Variants in TENM2 observed in about 807,000 individuals in gnomAD.
TENM2 encodes teneurin-2.
TENM2 carries 52 observed loss-of-function variants against 245.2 expected under a neutral mutation model. The observed-to-expected ratio is 0.21, with a 90% CI of 0.17 to 0.27. TENM2 has a LOEUF of 0.27. Among genes scored for constraint, TENM2 ranks in the 10% least tolerant of loss-of-function variants. TENM2 has a pLI of 1.00. For synonymous variants in TENM2, 1,363 were observed against 1,438.9 expected, an observed-to-expected ratio of 0.95 and a Z score of 1.19; for missense variants, 3,046 against 3,666.8, an observed-to-expected ratio of 0.83 and a Z score of 4.37.
intron 2 of TENM2, among the ~76,000 whole-genome samples, chr5:167,716,719 G>A (rs1293892527): frequency 6.6e-6 from 1 of 152,024 alleles, no homozygotes; most frequent in Admixed American, 6.5e-5. Context: ...ACTAAGCAGT[G>A]GTATTTGGGA....
At chr5:167,662,131 T>A (rs940057972) in intron 2 of TENM2, among the ~76,000 whole-genome samples, 16 of 152,236 alleles carry the variant, frequency 1.1e-4, no homozygotes, top group Non-Finnish European at 1.6e-4. Flanking sequence ...AAGAAGCTGA[T>A]GCTTGGCAGA....
chr5:167,613,560 C>T (rs1777605294), intron 2 of TENM2, among the ~76,000 whole-genome samples: 1 of 151,984 alleles, frequency 6.6e-6, no homozygotes, highest in Non-Finnish European at 1.5e-5. Context: ...GTAAAGGTCC[C>T]CTGATATCAA....
At chr5:167,378,845 C>A (rs1225044748) in intron 2 of TENM2, among the ~76,000 whole-genome samples, 3 of 145,782 alleles carry the variant, frequency 2.1e-5, no homozygotes, top group Non-Finnish European at 4.5e-5. Context: ...ATTTCTTCAC[C>A]TTGGGACTTA....
intron 1 of TENM2, among the ~76,000 whole-genome samples, chr5:167,304,858 G>C (rs1203017517): frequency 6.6e-6 from 1 of 152,150 alleles, no homozygotes; most frequent in Non-Finnish European, 1.5e-5. Flanking sequence ...TCAGATTTCA[G>C]AAAGTGCAGA....
intron 2 of TENM2, chr5:167,754,841 G>A (rs182490756): frequency 1.3e-5 from 6 of 452,396 alleles, no homozygotes; most frequent in African/African-American, 1.2e-4. Context: ...CGGGGGAGGC[G>A]TCCTCCCCAA....
chr5:168,018,381 T>TTTTTTTTTTCCTCTTTC (rs1785842845), intron 5 of TENM2, among the ~76,000 whole-genome samples: 1 of 151,918 alleles, frequency 6.6e-6, no homozygotes, highest in African/African-American at 2.4e-5. Flanking sequence ...GTGAGCTCTT[T>TTTTTTTTTTCCTCTTTC]TTTTTTTTTC....
At chr5:167,190,788 C>T in the TENM2 span, among the ~76,000 whole-genome samples, 3 of 152,036 alleles carry the variant, frequency 2.0e-5, no homozygotes, top group Non-Finnish European at 4.4e-5. Context: ...TCATGCCAAT[C>T]GGGACGTACT....
At chr5:167,422,648 A>G (rs748089559) in intron 2 of TENM2, among the ~76,000 whole-genome samples, 6 of 152,214 alleles carry the variant, frequency 3.9e-5, no homozygotes, top group Non-Finnish European at 8.8e-5. Flanking sequence ...AATAAGATGC[A>G]TGCCACTGAT....
chr5:167,603,952 G>A (rs981734212), intron 2 of TENM2, among the ~76,000 whole-genome samples: 2 of 152,116 alleles, frequency 1.3e-5, no homozygotes, highest in African/African-American at 2.4e-5. Context: ...TCTGTGTTTT[G>A]GAGTTTATTT....
intron 2 of TENM2, among the ~76,000 whole-genome samples, chr5:167,429,845 G>A (rs2127440106): frequency 6.6e-6 from 1 of 152,200 alleles, no homozygotes; most frequent in East Asian, 1.9e-4. Context: ...GACCTCAGGT[G>A]ATCCACCCTC....
At chr5:168,220,302 GA>G (rs1258452298) in intron 23 of TENM2, among the ~76,000 whole-genome samples, 1 of 152,116 alleles carries the variant, frequency 6.6e-6, no homozygotes, top group Non-Finnish European at 1.5e-5. Flanking sequence ...GAAAGAGGGG[GA>G]AAAAACATCC....
the TENM2 span, among the ~76,000 whole-genome samples, chr5:167,212,486 T>A: frequency 3.9e-5 from 6 of 152,298 alleles, no homozygotes; most frequent in African/African-American, 1.4e-4. Context: ...GTGTCCATGA[T>A]TAAAATGAGG....
At chr5:168,043,867 G>A (rs933827670) in intron 5 of TENM2, among the ~76,000 whole-genome samples, 4 of 152,156 alleles carry the variant, frequency 2.6e-5, no homozygotes, top group African/African-American at 9.7e-5. Flanking sequence ...ACCCCAATGA[G>A]ATTATTATGA....
Sources: allele counts gnomAD v4.1 joint callset (sites outside exome capture counted in the v4.1 genomes callset), GRCh38; gene constraint gnomAD v4.1.1; transcripts MANE v1.5; gene names NCBI Gene and HGNC (gene_info 2026-07-23, HGNC 2026-07-21).